The following COLEC12 variants were observed in gnomAD, a reference collection of about 807,000 sequenced individuals.
COLEC12 encodes collectin-12.
A neutral mutation model predicts 71.1 loss-of-function variants in COLEC12; 33 were observed. The observed-to-expected ratio is 0.46, with a 90% CI of 0.35 to 0.62. The LOEUF is 0.62. COLEC12 is among the 20% of genes least tolerant of loss of function. The pLI is 0.00. For missense variants in COLEC12, 765 were observed against 916.1 expected (o/e 0.84, Z 2.13); for synonymous variants, 350 against 353.0 (o/e 0.99, Z 0.10).
intron 2 of COLEC12, among the ~76,000 whole-genome samples, chr18:402,843 G>A (rs749407439): frequency 2.0e-4 from 31 of 152,074 alleles, no homozygotes; most frequent in African/African-American, 3.6e-4. Flanking sequence ...GGTCTGAAGC[G>A]TCTCTCAGGA....
intron 1 of COLEC12, among the ~76,000 whole-genome samples, chr18:498,298 A>T (rs1917750117): frequency 6.6e-6 from 1 of 152,084 alleles, no homozygotes; most frequent in Non-Finnish European, 1.5e-5. Flanking sequence ...CACTCAGACA[A>T]ATGTAATAAA....
intron 8 of COLEC12, among the ~76,000 whole-genome samples, chr18:326,046 C>T (rs1240832492): frequency 6.6e-6 from 1 of 152,126 alleles, no homozygotes. Flanking sequence ...TCTTTTTCTA[C>T]CCTGGTAAAG....
intron 4 of COLEC12, among the ~76,000 whole-genome samples, chr18:347,807 GT>G (rs369886196): frequency 6.6e-6 from 1 of 151,656 alleles, no homozygotes; most frequent in African/African-American, 2.4e-5. Flanking sequence ...GGGTATTTGT[GT>G]TTTTTTTCAG....
chr18:420,939 AG>A (rs1182988023), intron 2 of COLEC12, among the ~76,000 whole-genome samples: 1 of 152,090 alleles, frequency 6.6e-6, no homozygotes, highest in Non-Finnish European at 1.5e-5. Context: ...TAATCATCCC[AG>A]GGCCAGGTAC....
rs182177475 is a variant in COLEC12 at position 477,856 on chromosome 18, G to A, written c.58+2851C>T. 2.9e-3 allele frequency among the ~76,000 whole-genome samples: 446 copies of A among 152,250 alleles called. 2 individuals carry two copies. Among genetic ancestry groups the A allele is most frequent in the Non-Finnish European group, 4.0e-3 (270 of 68,006 alleles). ...GGAGTGATTAGGGGCAGGACCTAGA[G>A]GGTTGACATGTCTCTGGACACCTTC... On this transcript the variant is annotated intron_variant, in intron 2 of 9. Coordinates refer to ENST00000400256, the MANE Select transcript of COLEC12 (RefSeq NM_130386.3).
Position 460,063 on chromosome 18 carries a change from A to AG in COLEC12, c.58+20643_58+20644insC, listed in dbSNP as rs551782847. On this transcript the variant is annotated intron_variant, in intron 2 of 9. Transcript: ENST00000400256. ...AGGAAAAAAAAGGAAAAAAGAAAAA[A>AG]AAAAGAAAATAGACTCGGATATTTT... Among the ~76,000 whole-genome samples the AG allele has an allele frequency of 8.2e-4, 125 of 152,118 alleles. 2 individuals are homozygous for AG. The East Asian group carries it at 0.02, about 24-fold the overall frequency.
chr18:431,918 C>T (rs1567906205), intron 2 of COLEC12, among the ~76,000 whole-genome samples: 1 of 152,154 alleles, frequency 6.6e-6, no homozygotes, highest in African/African-American at 2.4e-5. Flanking sequence ...CTAACTCTTA[C>T]AAAAACCCAA....
intron 1 of COLEC12, among the ~76,000 whole-genome samples, chr18:493,297 C>T (rs1917651821): frequency 6.6e-6 from 1 of 151,798 alleles, no homozygotes; most frequent in African/African-American, 2.4e-5. Flanking sequence ...AAACTCCTGG[C>T]CTCAAGCAAC....
intron 2 of COLEC12, among the ~76,000 whole-genome samples, chr18:374,374 G>A (rs1294582578): frequency 6.6e-6 from 1 of 152,232 alleles, no homozygotes; most frequent in African/African-American, 2.4e-5. Flanking sequence ...TGCACATACA[G>A]TAACACACCA....
chr18:341,947 G>A (rs1228941754), intron 5 of COLEC12, among the ~76,000 whole-genome samples: 1 of 152,246 alleles, frequency 6.6e-6, no homozygotes, highest in African/African-American at 2.4e-5. Flanking sequence ...CAGAGGAACA[G>A]CCCAGGAGGT....
intron 2 of COLEC12, among the ~76,000 whole-genome samples, chr18:410,997 A>G (rs11664413): frequency 0.32 from 49,346 of 151,992 alleles, 8,540 homozygotes; most frequent in South Asian, 0.55. Flanking sequence ...AATGCTTAGT[A>G]GAGTGACTGG....
At chr18:448,279 C>T (rs1916691983) in intron 2 of COLEC12, among the ~76,000 whole-genome samples, 1 of 152,178 alleles carries the variant, frequency 6.6e-6, no homozygotes, top group Admixed American at 6.5e-5. Context: ...TAAAACATGA[C>T]TCTGGCAAAC....
At chr18:448,377 C>T (rs1916694449) in intron 2 of COLEC12, among the ~76,000 whole-genome samples, 1 of 152,208 alleles carries the variant, frequency 6.6e-6, no homozygotes, top group South Asian at 2.1e-4. Flanking sequence ...TGTATAAAAA[C>T]AGGACCCTTG....
At chr18:398,868 A>C (rs918507941) in intron 2 of COLEC12, among the ~76,000 whole-genome samples, 1 of 152,248 alleles carries the variant, frequency 6.6e-6, no homozygotes, top group Admixed American at 6.5e-5. Flanking sequence ...CACGTTCCAC[A>C]TGCTGCTTCT....
intron 8 of COLEC12, among the ~76,000 whole-genome samples, chr18:322,450 T>C (rs572679855): frequency 9.8e-5 from 15 of 152,312 alleles, no homozygotes; most frequent in African/African-American, 3.6e-4. Flanking sequence ...ACTCCCTTTT[T>C]TGGGAGAGAG....
chr18:444,816 C>T (rs1009790634), intron 2 of COLEC12, among the ~76,000 whole-genome samples: 2 of 152,176 alleles, frequency 1.3e-5, no homozygotes, highest in African/African-American at 2.4e-5. Context: ...TTGTCAGAAA[C>T]AATATCCTCC....
At chr18:464,754 A>G (rs1048784283) in intron 2 of COLEC12, among the ~76,000 whole-genome samples, 10 of 152,230 alleles carry the variant, frequency 6.6e-5, no homozygotes, top group Admixed American at 6.5e-4. Flanking sequence ...AGAATACAAC[A>G]GGTACACAAC....
intron 2 of COLEC12, among the ~76,000 whole-genome samples, chr18:457,080 C>T (rs1916888088): frequency 6.6e-6 from 1 of 152,182 alleles, no homozygotes; most frequent in African/African-American, 2.4e-5. Context: ...AGGATCAGTG[C>T]AGCCAGGTAA....
chr18:335,336 A>G (rs1036095277), intron 5 of COLEC12, 106 bp from the exon 6 acceptor site: 2 of 1,237,978 alleles, frequency 1.6e-6, no homozygotes, highest in African/African-American at 3.1e-5. Flanking sequence ...CCTAGCATAC[A>G]AAGTATATAC....
Sources: gnomAD v4.1 joint callset for allele counts (sites outside exome capture counted in the v4.1 genomes callset) on GRCh38, gnomAD v4.1.1 for gene constraint, MANE v1.5 for transcripts, NCBI Gene and HGNC (gene_info 2026-07-23, HGNC 2026-07-21) for gene names.